Variants in PJA2 observed in about 807,000 individuals in gnomAD.
The protein encoded by PJA2 is praja ring finger ubiquitin ligase 2.
In PJA2, 25 loss-of-function variants were observed where a neutral mutation model predicts 69.3. That is an observed-to-expected ratio of 0.36 (90% confidence interval 0.26 to 0.50). The LOEUF (loss-of-function observed/expected upper bound fraction) is 0.50. PJA2 is among the 20% of genes least tolerant of loss of function. The pLI is 0.96. For synonymous variants in PJA2, 308 were observed against 277.8 expected (o/e 1.11, Z -1.08); for missense variants, 809 against 830.2 (o/e 0.97, Z 0.31).
intron 7 of PJA2, among the ~76,000 whole-genome samples, chr5:109,349,649 C>A (rs1401587291): frequency 6.6e-6 from 1 of 152,190 alleles, no homozygotes; most frequent in Non-Finnish European, 1.5e-5. Context: ...CTCTCTCATA[C>A]AGCAAGCCAC....
chr5:109,396,397 T>C (rs1419501622), intron 1 of PJA2, among the ~76,000 whole-genome samples: 1 of 151,250 alleles, frequency 6.6e-6, no homozygotes, highest in Non-Finnish European at 1.5e-5. Context: ...ATACCAATCA[T>C]TACTTCTACT....
chr5:109,362,904 A>G lies in PJA2; in HGVS notation c.1588T>C (p.Leu530=), dbSNP rs759828021. 3 of 1,613,776 alleles carry G rather than the reference A, an allele frequency of 1.9e-6. No homozygotes were observed. The highest frequency in any genetic ancestry group is 2.2e-5 in the South Asian group (2 of 90,986). ...TCCTCCAGGTTATTGTTACCATCCA[A>G]CATGAAAGCTGGCTGTGCAAATTCA... The part of the protein sequence containing the change: ...ANEFAQPAFM[L]DGNNNLEDDS... The change falls in exon 6 of 10, where the codon TTG becomes CTG. Residue 530 remains leucine (L), a synonymous_variant. Transcript: ENST00000361189.
At chr5:109,390,738 AT>A (rs1747263786) in intron 1 of PJA2, 1 of 151,882 alleles carries the variant, frequency 6.6e-6, no homozygotes, top group Admixed American at 6.6e-5. Flanking sequence ...CCTTTAAAAT[AT>A]CATTATCTTA....
chr5:109,364,760 T>C (rs910684997), intron 5 of PJA2, among the ~76,000 whole-genome samples: 10 of 124,442 alleles, frequency 8.0e-5, no homozygotes, highest in East Asian at 2.0e-4. Flanking sequence ...CCTTAATCAA[T>C]AGAAGCTTAA....
rs1439216119 is a variant in PJA2, at chr5:109,335,269, A to G, written c.*1962T>C. The G allele has an allele frequency of 1.3e-5, 2 of 152,626 alleles. No homozygotes were observed. The highest frequency in any genetic ancestry group is 4.8e-5 in the African/African-American group (2 of 41,446). 9.5% of individuals were successfully genotyped at this position (152,626 alleles called of 1,614,324 possible). On this transcript the variant is annotated 3_prime_UTR_variant, in exon 10 of 10. Transcript: ENST00000361189. ...TTCTTCACAGCAGCTGTTTATAGAT[A>G]GTAGGGAGCCAAGAATGAAGGACAG...
rs1403102372 is a variant in PJA2 at position 109,368,561 on chromosome 5, C to T, written c.1469G>A (p.Gly490Glu). The change falls in exon 5 of 10, where the codon GGG becomes GAG. Residue 490 changes from glycine (G) to glutamate (E), a missense_variant and splice_region_variant. Around this residue, in one of 4 missense-constraint regions of PJA2, gnomAD observed 700 missense variants for 639.5 expected, o/e 1.09. Transcript: ENST00000361189. ...AAATAAATCTCACTGTTGAACATACCCTTCCTGAAGAGATAATTCTTGGTT... is the reference window on the plus strand; with the variant it reads ...AAATAAATCTCACTGTTGAACATACTCTTCCTGAAGAGATAATTCTTGGTT... ...EENQELSLQE[G>E]EQTSLEEGEI... The T allele has an allele frequency of 6.2e-7, 1 of 1,610,200 alleles. No homozygotes were observed. Among genetic ancestry groups the T allele is most frequent in the Non-Finnish European group, 8.5e-7 (1 of 1,178,232 alleles).
chr5:109,340,910 G>T (rs1303199692), intron 9 of PJA2, among the ~76,000 whole-genome samples: 2 of 113,242 alleles, frequency 1.8e-5, no homozygotes, highest in African/African-American at 2.8e-5. Flanking sequence ...CCGAGGTGCC[G>T]GGATTGCAGA....
intron 9 of PJA2, among the ~76,000 whole-genome samples, chr5:109,342,526 G>C: frequency 8.0e-6 from 1 of 125,652 alleles, no homozygotes; most frequent in African/African-American, 3.2e-5. Flanking sequence ...GGGAGGTGGG[G>C]GGGGTCAGCT....
rs778928128 is a variant in PJA2 at position 109,362,965 on chromosome 5, A to G, written c.1527T>C (p.Asn509=). 1.2e-6 allele frequency: 2 copies of G among 1,613,706 alleles called. No homozygotes were observed. Among genetic ancestry groups the G allele is most frequent in the Non-Finnish European group, 1.7e-6 (2 of 1,179,712 alleles). ...CATTTCCCTCATCACTGCTGCTTTC[A>G]TTGACTTCATTGTACTGTAACCAAG... ...EIPWLQYNEV[N]ESSSDEGNEP... The change falls in exon 6 of 10, where the codon AAT becomes AAC. Residue 509 remains asparagine, a synonymous_variant. Coordinates refer to ENST00000361189, the MANE Select transcript of PJA2 (RefSeq NM_014819.5).
intron 1 of PJA2, 109 bp from the exon 2 acceptor site, chr5:109,383,629 C>T (rs1364371979): frequency 1.3e-5 from 6 of 477,522 alleles, no homozygotes; most frequent in Non-Finnish European, 1.5e-5. Flanking sequence ...TAGAAAAATA[C>T]AATGTGATGT....
intron 6 of PJA2, among the ~76,000 whole-genome samples, chr5:109,360,605 T>C (rs1233730130): frequency 2.0e-5 from 3 of 152,166 alleles, no homozygotes; most frequent in African/African-American, 4.8e-5. Context: ...CATAAATTAA[T>C]ATAGTACCAC....
chr5:109,407,394 G>A (rs1747717198), intron 1 of PJA2, among the ~76,000 whole-genome samples: 1 of 152,186 alleles, frequency 6.6e-6, no homozygotes, highest in Admixed American at 6.5e-5. Context: ...AAGACTAGAA[G>A]GAAATATTTT....
At chr5:109,372,767 T>C (rs1762693165) in intron 4 of PJA2, among the ~76,000 whole-genome samples, 1 of 151,428 alleles carries the variant, frequency 6.6e-6, no homozygotes, top group Non-Finnish European at 1.5e-5. Context: ...TAGCTGGGTG[T>C]GGTGGCGCAT....
intron 9 of PJA2, among the ~76,000 whole-genome samples, chr5:109,342,606 T>A (rs1450501677): frequency 9.8e-5 from 6 of 61,096 alleles, no homozygotes; most frequent in South Asian, 6.7e-4. Flanking sequence ...TACTGGGAAG[T>A]GAGGAGCCCC....
Position 109,378,748 on chromosome 5 carries a change from CA to C in PJA2, c.738del (p.Glu247SerfsTer67). 6.2e-7 allele frequency: 1 copy of C among 1,612,412 alleles called. No individual in the cohort carries two copies. The highest frequency in any genetic ancestry group is 8.5e-7 in the Non-Finnish European group (1 of 1,179,994). On this transcript the variant is annotated frameshift_variant, in exon 4 of 10. Coordinates refer to ENST00000361189, the MANE Select transcript of PJA2 (RefSeq NM_014819.5). LOFTEE classifies it high-confidence loss of function. ...VPLVKSSAGDTEFVHQNSQEI... is the reference protein window; with the variant it reads ...VPLVKSSAGDXEFVHQNSQEI... The stretch of plus-strand genomic sequence containing the variant: ...TCCTGGCTATTCTGATGGACAAACT[CA>C]GTATCACCAGCAGAACTTTTCACTA...
chr5:109,399,887 T>C lies in PJA2; in HGVS notation c.-88+9955A>G, dbSNP rs1173898841. 3.3e-5 allele frequency among the ~76,000 whole-genome samples: 5 copies of C among 152,056 alleles called. No homozygotes were observed. The East Asian group carries it at 9.6e-4, about 29-fold the overall frequency. On this transcript the variant is annotated intron_variant, in intron 1 of 9. Coordinates refer to ENST00000361189, the MANE Select transcript of PJA2 (RefSeq NM_014819.5). ...AACATGCATCAACTCATGAGAAATT[T>C]CAGGAGAGATGAAAATGGAAATGCA...
chr5:109,400,826 A>C (rs140389937), intron 1 of PJA2, among the ~76,000 whole-genome samples: 2,256 of 151,684 alleles, frequency 0.015, 54 homozygotes, highest in African/African-American at 0.053. Flanking sequence ...AAAAAAATAC[A>C]AAAAAAATTA....
At chr5:109,361,998 C>T (rs1222081720) in intron 6 of PJA2, among the ~76,000 whole-genome samples, 2 of 152,164 alleles carry the variant, frequency 1.3e-5, no homozygotes, top group Admixed American at 1.3e-4. Context: ...GAAGAGATAT[C>T]AGGAGATATA....
At chr5:109,345,117 G>C (rs1762151361) in intron 7 of PJA2, among the ~76,000 whole-genome samples, 1 of 150,962 alleles carries the variant, frequency 6.6e-6, no homozygotes, top group African/African-American at 2.4e-5. Context: ...CCGAGGCGGG[G>C]TGGGTCACTT....
Sources: allele counts gnomAD v4.1 joint callset (sites outside exome capture counted in the v4.1 genomes callset), GRCh38; gene constraint gnomAD v4.1.1; regional missense constraint gnomAD v4.1.1; transcripts MANE v1.5; gene names NCBI Gene and HGNC (gene_info 2026-07-23, HGNC 2026-07-21).